Variants in CFAP46 observed in about 807,000 individuals in gnomAD.
CFAP46 encodes the protein cilia- and flagella-associated protein 46.
In CFAP46, 245 loss-of-function variants were observed where a neutral mutation model predicts 325.7. The observed-to-expected ratio is 0.75, with a 90% CI of 0.68 to 0.84. The LOEUF is 0.84. Ranked by LOEUF, CFAP46 falls within the 40% of genes least tolerant of loss-of-function variation. The pLI, the probability that CFAP46 is intolerant of heterozygous loss-of-function variation, is 0.00. For synonymous variants in CFAP46, 1,523 were observed against 1,495.9 expected (o/e 1.02, Z -0.42); for missense variants, 3,346 against 3,543.0 (o/e 0.94, Z 1.41).
rs1366703701 is a variant in CFAP46 at position 132,884,547 on chromosome 10, C to T, written c.3627+556G>A. Reference sequence around the variant, plus strand: ...CCAAGATGAAGTTCTCAGGTGCATACCACATGGCCCTTGCCCCTGACAAGC... The same window carrying T: ...CCAAGATGAAGTTCTCAGGTGCATATCACATGGCCCTTGCCCCTGACAAGC... On this transcript the variant is annotated intron_variant, in intron 27 of 57. Coordinates refer to ENST00000368586, the MANE Select transcript of CFAP46 (RefSeq NM_001200049.3). This position sits in a 1 kb window ranked among gnomAD's most constrained non-coding sequence, Gnocchi z 5.4. 6.6e-6 allele frequency among the ~76,000 whole-genome samples: 1 copy of T among 152,160 alleles called. No homozygotes were observed. The highest frequency in any genetic ancestry group is 6.5e-5 in the Admixed American group (1 of 15,274).
At chr10:132,842,765 A>G (rs1848365392) in intron 44 of CFAP46, among the ~76,000 whole-genome samples, 1 of 152,224 alleles carries the variant, frequency 6.6e-6, no homozygotes, top group African/African-American at 2.4e-5. Flanking sequence ...GCCTTCTTGC[A>G]GGTGGGGCCT....
At chr10:132,929,830 C>A in intron 8 of CFAP46, 26 bp from the exon 9 acceptor site, 1 of 1,577,556 alleles carries the variant, frequency 6.3e-7, no homozygotes, top group Non-Finnish European at 8.7e-7. Flanking sequence ...CCAGCCAGCA[C>A]CGGCTCAATA....
chr10:132,854,538 C>T (rs1451897932), intron 39 of CFAP46, among the ~76,000 whole-genome samples: 2 of 152,132 alleles, frequency 1.3e-5, no homozygotes, highest in Non-Finnish European at 2.9e-5. Context: ...GGGGTTTCAC[C>T]ATGTTAGCCA....
At chr10:132,935,739 G>T (rs1849989931) in intron 7 of CFAP46, among the ~76,000 whole-genome samples, 1 of 120,296 alleles carries the variant, frequency 8.3e-6, no homozygotes, top group South Asian at 2.8e-4. Flanking sequence ...CAAACACACT[G>T]TGATCTCCTC....
At chr10:132,909,684 C>G (rs1475786025) in intron 20 of CFAP46, among the ~76,000 whole-genome samples, 2 of 152,248 alleles carry the variant, frequency 1.3e-5, no homozygotes, top group Non-Finnish European at 2.9e-5. Flanking sequence ...AGCGCAGCAC[C>G]CCCACAGGCC....
At chr10:132,843,036 C>T (rs1408208865) in intron 44 of CFAP46, among the ~76,000 whole-genome samples, 1 of 152,192 alleles carries the variant, frequency 6.6e-6, no homozygotes, top group Non-Finnish European at 1.5e-5. Flanking sequence ...ATCATAGCAC[C>T]CTTGCTCTGT....
In CFAP46 at chr10:132,828,847, C is replaced by G. The variant is rs2134966065; in HGVS notation, c.7117+4511G>C. Among the ~76,000 whole-genome samples the G allele has an allele frequency of 6.6e-6, 1 of 152,254 alleles. No individual in the cohort carries two copies. The highest frequency in any genetic ancestry group is 3.4e-3 in the Middle Eastern group (1 of 294). On this transcript the variant is annotated intron_variant, in intron 50 of 57. Coordinates refer to ENST00000368586, the MANE Select transcript of CFAP46 (RefSeq NM_001200049.3). This position sits in a 1 kb window ranked among gnomAD's most constrained non-coding sequence, Gnocchi z 4.9. ...CTCATGGAGATGCCCTTCCTCCGCT[C>G]AGCGTCCTCGTCCCTTTGCCAGCCA...
rs551837617 is a variant in CFAP46, at chr10:132,901,937, G to A, written c.2925-2271C>T. 3.9e-5 allele frequency among the ~76,000 whole-genome samples: 6 copies of A among 152,288 alleles called. No homozygotes were observed. The South Asian group carries it at 1.2e-3, about 32-fold the overall frequency. On this transcript the variant is annotated intron_variant, in intron 22 of 57. Coordinates refer to ENST00000368586, the MANE Select transcript of CFAP46 (RefSeq NM_001200049.3). Reference sequence around the variant, plus strand: ...TATTCTGGTTTGCATCATTTCTGATGAGAAGTCAGCAGCAGCTCTTGCCCT... The same window carrying A: ...TATTCTGGTTTGCATCATTTCTGATAAGAAGTCAGCAGCAGCTCTTGCCCT...
At chr10:132,897,763 G>A (rs947185490) in intron 24 of CFAP46, among the ~76,000 whole-genome samples, 23 of 152,254 alleles carry the variant, frequency 1.5e-4, no homozygotes, top group African/African-American at 4.1e-4. Context: ...CTTCCTGGGG[G>A]AGCCAGCCGA....
At chr10:132,927,606 G>T (rs1461376145) in intron 9 of CFAP46, among the ~76,000 whole-genome samples, 1 of 152,216 alleles carries the variant, frequency 6.6e-6, no homozygotes, top group Admixed American at 6.5e-5. Context: ...AGGAAGCCAT[G>T]CCAGGCTTCA....
In CFAP46 at chr10:132,899,094, G is replaced by A. The variant is rs1209125563; in HGVS notation, c.3084C>T (p.Ala1028=). 6.5e-7 allele frequency: 1 copy of A among 1,549,984 alleles called. No individual in the cohort carries two copies. Among genetic ancestry groups the A allele is most frequent in the Non-Finnish European group, 8.7e-7 (1 of 1,146,864 alleles). Residue 1028 remains alanine, a synonymous_variant, in exon 24 of 58, where the codon GCC becomes GCT. Coordinates refer to ENST00000368586, the MANE Select transcript of CFAP46 (RefSeq NM_001200049.3). ...AATGCCGCGCGGCCAGCATCACCAGGGCGCTGCTGCCCGCGATGCCTCCGA... is the reference window on the plus strand; with the variant it reads ...AATGCCGCGCGGCCAGCATCACCAGAGCGCTGCTGCCCGCGATGCCTCCGA... ...ARFGGIAGSS[A]LVMLAARHYW... is the part of the protein sequence containing the mutation.
At chr10:132,926,243 G>A (rs1045144790) in intron 10 of CFAP46, among the ~76,000 whole-genome samples, 5 of 152,156 alleles carry the variant, frequency 3.3e-5, no homozygotes, top group East Asian at 3.9e-4. Context: ...GCCGTCCCCC[G>A]TCCTCCCAGG....
At position 132,888,620 on chromosome 10, in the gene CFAP46, G is replaced by A. The variant is rs186030991; in HGVS notation, c.3305-2661C>T. Among the ~76,000 whole-genome samples the A allele has an allele frequency of 8.8e-3, 202 of 22,932 alleles. 1 individual carries two copies. Among genetic ancestry groups the A allele is most frequent in the Middle Eastern group, 0.026 (1 of 38 alleles). 15.0% of individuals were successfully genotyped at this position (22,932 alleles called of 152,430 possible). ...CACCCCTGCCACCTTCACCCCTGCC[G>A]CCTTCACCCCTGCCGCCTGCACCCC... On this transcript the variant is annotated intron_variant, in intron 25 of 57. Coordinates refer to ENST00000368586, the MANE Select transcript of CFAP46 (RefSeq NM_001200049.3).
intron 28 of CFAP46, among the ~76,000 whole-genome samples, chr10:132,880,539 C>T (rs1458370115): frequency 2.0e-5 from 3 of 152,230 alleles, no homozygotes; most frequent in Admixed American, 6.5e-5. Flanking sequence ...TCTGGGCCGG[C>T]CCAGCTGTGT....
In CFAP46 at chr10:132,929,768, C is replaced by G. The variant is rs1849864175; in HGVS notation, c.903G>C (p.Leu301Phe). Residue 301 changes from leucine to phenylalanine, a missense_variant, in exon 9 of 58, where the codon TTG becomes TTC. Leu to Phe is a conservative substitution (Grantham distance 22). Transcript: ENST00000368586. ...AGGAGATCTCCATGCATTTCAAGGT[C>G]AAGGAAAAACGCGCCAATTCAAAAA... is the stretch of plus-strand genomic sequence containing the variant. ...LLLFELARFS[L>F]TLKCMEISSA... The G allele has an allele frequency of 6.2e-7, 1 of 1,610,956 alleles. No homozygotes were observed. The highest frequency in any genetic ancestry group is 1.3e-5 in the African/African-American group (1 of 74,866).
chr10:132,898,208 C>T (rs1339486863), intron 24 of CFAP46, among the ~76,000 whole-genome samples: 2 of 152,206 alleles, frequency 1.3e-5, no homozygotes, highest in African/African-American at 4.8e-5. Flanking sequence ...AGCGGGATGC[C>T]TCCCCATCTC....
chr10:132,874,783 G>T (rs550690405), intron 31 of CFAP46, among the ~76,000 whole-genome samples: 1 of 152,002 alleles, frequency 6.6e-6, no homozygotes, highest in Non-Finnish European at 1.5e-5. Flanking sequence ...AATAAAGATC[G>T]ATAAAAACCT....
intron 7 of CFAP46, 41 bp from the exon 8 acceptor site, chr10:132,934,903 C>T (rs1255784360): frequency 8.2e-7 from 1 of 1,226,898 alleles, no homozygotes; most frequent in African/African-American, 1.5e-5. Context: ...AAGATCCTGT[C>T]AGATTTATTC....
chr10:132,914,903 G>A (rs1413985218), intron 17 of CFAP46, among the ~76,000 whole-genome samples: 10 of 152,190 alleles, frequency 6.6e-5, no homozygotes, highest in Admixed American at 6.5e-4. Context: ...CCTCCCTTCT[G>A]CCCAAGTGAG....
Sources: allele counts gnomAD v4.1 joint callset (sites outside exome capture counted in the v4.1 genomes callset), GRCh38; gene constraint gnomAD v4.1.1; non-coding constraint Gnocchi (gnomAD v3.1); transcripts MANE v1.5; gene names NCBI Gene and HGNC (gene_info 2026-07-23, HGNC 2026-07-21).